Variants in TFEC observed in about 807,000 individuals in gnomAD.
The protein encoded by TFEC is transcription factor EC, also known as class E basic helix-loop-helix protein 34.
A neutral mutation model predicts 41.6 loss-of-function variants in TFEC; 31 were observed. The ratio of observed to expected loss-of-function variants is 0.74; its 90% CI spans 0.56 to 1.01. The LOEUF (loss-of-function observed/expected upper bound fraction) is 1.01, where lower values mean the gene tolerates loss of function less well. Among genes scored for constraint, TFEC ranks in the 50% least tolerant of loss-of-function variants. The pLI is 0.00. For missense variants in TFEC, 402 were observed against 404.1 expected (o/e 0.99, Z 0.04); for synonymous variants, 143 against 140.6 (o/e 1.02, Z -0.12).
At chr7:115,946,416 TG>T (rs752207518) in intron 6 of TFEC, among the ~76,000 whole-genome samples, 6,449 of 132,840 alleles carry the variant, frequency 0.049, 324 homozygotes, top group South Asian at 0.15. Flanking sequence ...TGTGTGTGTG[TG>T]TGTGTGTGTG....
intron 3 of TFEC, 137 bp downstream of exon 3, chr7:115,974,033 A>AT (rs1793255308): frequency 1.6e-6 from 1 of 634,942 alleles, no homozygotes; most frequent in Non-Finnish European, 2.6e-6. Flanking sequence ...GCACCAATAA[A>AT]TATTTTCTAG....
chr7:115,948,325 G>A (rs1260054912), intron 6 of TFEC, among the ~76,000 whole-genome samples: 1 of 151,624 alleles, frequency 6.6e-6, no homozygotes, highest in Non-Finnish European at 1.5e-5. Context: ...AGAAAAAGAG[G>A]GAATCCTCCC....
At chr7:115,959,759 T>C (rs542172520) in intron 3 of TFEC, among the ~76,000 whole-genome samples, 2 of 151,366 alleles carry the variant, frequency 1.3e-5, no homozygotes, top group African/African-American at 4.8e-5. Flanking sequence ...AATAAACGAA[T>C]TGGTAAAATA....
intron 1 of TFEC, among the ~76,000 whole-genome samples, chr7:116,147,085 A>G (rs1490012605): frequency 1.3e-5 from 2 of 152,206 alleles, no homozygotes; most frequent in Non-Finnish European, 2.9e-5. Flanking sequence ...AGAGTGGAAA[A>G]TATTAAAGTT....
At chr7:116,103,697 G>A (rs1797654816) in intron 3 of TFEC, among the ~76,000 whole-genome samples, 1 of 152,122 alleles carries the variant, frequency 6.6e-6, no homozygotes, top group Non-Finnish European at 1.5e-5. Flanking sequence ...GCAGCTACTA[G>A]AAATAATTAG....
At chr7:116,117,298 TACA>T (rs1462058323) in intron 1 of TFEC, among the ~76,000 whole-genome samples, 1 of 151,836 alleles carries the variant, frequency 6.6e-6, no homozygotes, top group Non-Finnish European at 1.5e-5. Flanking sequence ...ATACCATCCA[TACA>T]ACATTTCACC....
chr7:116,069,957 A>G (rs1021331206), intron 3 of TFEC, among the ~76,000 whole-genome samples: 1 of 151,580 alleles, frequency 6.6e-6, no homozygotes, highest in East Asian at 1.9e-4. Flanking sequence ...AAACAATATG[A>G]ACATATAAAT....
chr7:116,048,197 T>C (rs935742571), intron 3 of TFEC, among the ~76,000 whole-genome samples: 1 of 152,132 alleles, frequency 6.6e-6, no homozygotes, highest in Non-Finnish European at 1.5e-5. Context: ...TAAATGAGGA[T>C]GTTCGAACCC....
intron 3 of TFEC, 24 bp downstream of exon 3, chr7:115,974,146 C>G: frequency 6.4e-7 from 1 of 1,567,528 alleles, no homozygotes; most frequent in Non-Finnish European, 8.6e-7. Flanking sequence ...TTTCAATGAC[C>G]TTCTTGGGTC....
At chr7:116,109,783 T>C (rs1797807327) in intron 3 of TFEC, among the ~76,000 whole-genome samples, 1 of 152,210 alleles carries the variant, frequency 6.6e-6, no homozygotes, top group African/African-American at 2.4e-5. Context: ...CACGTATGTT[T>C]ATTGCGGCAC....
intron 3 of TFEC, among the ~76,000 whole-genome samples, chr7:115,969,062 A>G (rs992106213): frequency 6.6e-6 from 1 of 151,866 alleles, no homozygotes; most frequent in Admixed American, 6.6e-5. Flanking sequence ...CAACAAGAAT[A>G]AAGTATTCCT....
intron 1 of TFEC, among the ~76,000 whole-genome samples, chr7:116,022,235 C>T (rs1287411739): frequency 1.3e-5 from 2 of 152,052 alleles, no homozygotes; most frequent in East Asian, 1.9e-4. Flanking sequence ...TTGTTGGCAG[C>T]GGTTTTCCAT....
chr7:116,076,484 G>A lies in TFEC; in HGVS notation c.198+34224C>T, dbSNP rs973446610. ...CGATTATTAGGCTGATCATGGAGAC[G>A]CCAGAGAAAAGTGAAGTCTAACTCA... On this transcript the variant is annotated intron_variant, in intron 3 of 8. Coordinates refer to the TFEC transcript ENST00000484212. 2.6e-4 allele frequency among the ~76,000 whole-genome samples: 39 copies of A among 152,010 alleles called. 1 individual carries two copies. The highest frequency in any genetic ancestry group is 2.4e-3 in the Admixed American group (36 of 15,262).
rs761415362 is a variant in TFEC at position 115,936,903 on chromosome 7, A to G, written c.*3648T>C. 2 of 151,630 alleles carry G rather than the reference A, an allele frequency of 1.3e-5. No individual in the cohort carries two copies. Among genetic ancestry groups the G allele is most frequent in the Non-Finnish European group, 3.0e-5 (2 of 67,704 alleles). The allele number at this position is 151,630 out of a possible 1,614,324, so 9.4% of individuals were successfully genotyped here. ...ATTTAGGGCTTTTTTAAAAACCTAT[A>G]TAAAGAAAGCCATGGTCACTGATAT... On this transcript the variant is annotated 3_prime_UTR_variant, in exon 8 of 8. Transcript: ENST00000265440.
intron 1 of TFEC, among the ~76,000 whole-genome samples, chr7:115,989,824 G>A (rs1794026888): frequency 6.6e-6 from 1 of 152,198 alleles, no homozygotes; most frequent in African/African-American, 2.4e-5. Context: ...ACAAAAGGCA[G>A]CAGAAATGTC....
At chr7:116,154,309 T>C (rs773350919) in intron 1 of TFEC, among the ~76,000 whole-genome samples, 1 of 152,170 alleles carries the variant, frequency 6.6e-6, no homozygotes, top group Non-Finnish European at 1.5e-5. Context: ...GCACCTCCTT[T>C]TCTTTCTCTA....
chr7:115,982,796 T>C (rs185709379), intron 2 of TFEC, among the ~76,000 whole-genome samples: 14 of 152,288 alleles, frequency 9.2e-5, no homozygotes, highest in Non-Finnish European at 1.2e-4. Context: ...GAATTTTCTT[T>C]ATATATACAA....
At chr7:116,027,495 G>A (rs114840282) in intron 1 of TFEC, among the ~76,000 whole-genome samples, 1,536 of 152,192 alleles carry the variant, frequency 0.01, 35 homozygotes, top group African/African-American at 0.035. Context: ...ACTCTGGGGG[G>A]TTGAGGCGGG....
At chr7:115,944,859 A>G (rs1219160238) in intron 6 of TFEC, among the ~76,000 whole-genome samples, 3 of 151,340 alleles carry the variant, frequency 2.0e-5, no homozygotes, top group African/African-American at 7.3e-5. Context: ...TGCAACAAAG[A>G]TTTCACAGGG....
Sources: gnomAD v4.1 joint callset for allele counts (sites outside exome capture counted in the v4.1 genomes callset) on GRCh38, gnomAD v4.1.1 for gene constraint, MANE v1.5 for transcripts, NCBI Gene and HGNC (gene_info 2026-07-23, HGNC 2026-07-21) for gene names.